The following SP110 variants were observed in gnomAD, a reference collection of about 807,000 sequenced individuals.
The protein encoded by SP110 is interferon-induced protein 41, 30kD.
In SP110, 62 loss-of-function variants were observed where a neutral mutation model predicts 92.7. That is an observed-to-expected ratio of 0.67 (90% CI 0.55 to 0.83). The LOEUF is 0.83. Ranked by LOEUF, SP110 falls within the 40% of genes least tolerant of loss-of-function variation. The pLI is 0.00. For synonymous variants in SP110, 273 were observed against 305.3 expected (o/e 0.89, Z 1.10); for missense variants, 793 against 863.9 (o/e 0.92, Z 1.03).
intron 3 of SP110, 75 bp from the exon 4 acceptor site, chr2:230,213,102 A>T: frequency 7.1e-7 from 1 of 1,414,990 alleles, no homozygotes; most frequent in Non-Finnish European, 9.9e-7. Context: ...TTCTTAATAC[A>T]TGCCTTCCAA....
At position 230,169,029 on chromosome 2, in the gene SP110, A is replaced by G. The variant is rs894239511; in HGVS notation, c.*95T>C. The stretch of plus-strand genomic sequence containing the variant: ...TGGGTTTGGGTCCTGAGGGCAGCCA[A>G]TTACATCCCAGACTCACTGGCAATC... On this transcript the variant is annotated 3_prime_UTR_variant, in exon 19 of 19. Coordinates refer to ENST00000258381, the MANE Select transcript of SP110 (RefSeq NM_080424.4). The G allele has an allele frequency of 2.2e-5, 19 of 849,678 alleles. No homozygotes were observed. The highest frequency in any genetic ancestry group is 3.5e-5 in the Non-Finnish European group (17 of 488,438). The allele number at this position is 849,678 out of a possible 1,614,324, so 52.6% of individuals were successfully genotyped here. A position where few individuals can be genotyped will look rare whatever the true frequency, so the allele number is the denominator to read the frequency against.
rs113572796 is a variant in SP110, at chr2:230,189,892, C to G, written c.1130-3749G>C. On this transcript the variant is annotated intron_variant, in intron 10 of 18. Transcript: ENST00000258381. Reference sequence around the variant, plus strand: ...ATGATCTTATTACTTTTTATGGCTGCATAGTGTTCCATGATGTATATGTAC... The same window carrying G: ...ATGATCTTATTACTTTTTATGGCTGGATAGTGTTCCATGATGTATATGTAC... Among the ~76,000 whole-genome samples the G allele has an allele frequency of 3.3e-3, 504 of 152,306 alleles. 2 individuals carry two copies. The highest frequency in any genetic ancestry group is 5.5e-3 in the Non-Finnish European group (371 of 68,030).
At position 230,211,277 on chromosome 2, in the gene SP110, C is replaced by T. The variant is rs567990046; in HGVS notation, c.751+193G>A. 2.0e-5 allele frequency among the ~76,000 whole-genome samples: 3 copies of T among 152,186 alleles called. No homozygotes were observed. Among genetic ancestry groups the T allele is most frequent in the Non-Finnish European group, 4.4e-5 (3 of 68,036 alleles). ...CAGACTTGCCTCCTTTGCCCTCCCC[C>T]AGGGACTCTGTATCCATTCAGAGGT... On this transcript the variant is annotated intron_variant, in intron 6 of 18. Coordinates refer to ENST00000258381, the MANE Select transcript of SP110 (RefSeq NM_080424.4). This position sits in a 1 kb window ranked among gnomAD's most constrained non-coding sequence, Gnocchi z 4.2.
chr2:230,218,770 T>G (rs1291786414), intron 1 of SP110, among the ~76,000 whole-genome samples: 1 of 152,242 alleles, frequency 6.6e-6, no homozygotes, highest in Non-Finnish European at 1.5e-5. Context: ...CATATATGAC[T>G]GTTCAGATTT....
At chr2:230,220,072 G>A (rs1431203826), upstream of SP110, 1 of 985,526 alleles carries the variant, frequency 1.0e-6, no homozygotes, top group Non-Finnish European at 1.2e-6. Flanking sequence ...CTGAAGGCAG[G>A]TCGGTGCCTG....
chr2:230,211,375 G>A lies in SP110; in HGVS notation c.751+95C>T, dbSNP rs1267483235. 4.8e-6 allele frequency: 4 copies of A among 836,552 alleles called. No individual in the cohort carries two copies. In the South Asian group the frequency reaches 5.3e-5, roughly 11 times the overall value. 51.8% of individuals were successfully genotyped at this position (836,552 alleles called of 1,614,324 possible). On this transcript the variant is annotated intron_variant, in intron 6 of 18. Coordinates refer to ENST00000258381, the MANE Select transcript of SP110 (RefSeq NM_080424.4). The surrounding 1 kb of genome is among the most constrained non-coding windows in gnomAD (Gnocchi z 4.2). ...CTGGGCCAAGATTGCTGAGAGGCAG[G>A]AGGAGAGCCCCCTCTCTAGAAGATC... is the stretch of plus-strand genomic sequence containing the variant.
At chr2:230,188,620 G>T (rs10174493) in intron 10 of SP110, among the ~76,000 whole-genome samples, 4,097 of 152,212 alleles carry the variant, frequency 0.027, 185 homozygotes, top group African/African-American at 0.093. Context: ...ATTGGCTGTG[G>T]GTTTGTCATA....
chr2:230,178,353 G>C (rs2041961364), intron 12 of SP110, 98 bp from the exon 13 acceptor site: 1 of 747,058 alleles, frequency 1.3e-6, no homozygotes, highest in Non-Finnish European at 2.3e-6. Context: ...ACAGGGTATT[G>C]GGGAACGTTC....
Position 230,212,818 on chromosome 2 carries a change from G to A in SP110, c.526C>T (p.Pro176Ser). Residue 176 changes from proline to serine, a missense_variant, in exon 4 of 19, where the codon CCA (proline) becomes TCA (serine). By Grantham distance (74) the Pro-to-Ser change is moderately conservative. Transcript: ENST00000258381. ...GGGAGAGGCAGGACAGGGTCAGATG[G>A]GCTGGGCGACTCACTCAGGATCTCA... The part of the protein sequence containing the change: ...SDEILSESPS[P>S]SDPVLPLPAL... 3 of 1,614,116 alleles carry A rather than the reference G, an allele frequency of 1.9e-6. No homozygotes were observed. Among genetic ancestry groups the A allele is most frequent in the Non-Finnish European group, 2.5e-6 (3 of 1,180,014 alleles).
chr2:230,215,214 C>G, intron 2 of SP110, 96 bp from the exon 3 acceptor site: 1 of 978,370 alleles, frequency 1.0e-6, no homozygotes, highest in Non-Finnish European at 1.6e-6. Flanking sequence ...AGCTACCTTA[C>G]TCTTTTAAGA....
intron 10 of SP110, among the ~76,000 whole-genome samples, chr2:230,198,000 C>T (rs766987122): frequency 6.6e-6 from 1 of 152,324 alleles, no homozygotes. Flanking sequence ...TATTGTATCA[C>T]ACAAGACAGG....
At chr2:230,194,354 C>G (rs2042768605) in intron 10 of SP110, among the ~76,000 whole-genome samples, 2 of 151,886 alleles carry the variant, frequency 1.3e-5, no homozygotes. Flanking sequence ...TATCCGAGAA[C>G]TTTGGGAGGC....
rs1425819310 is a variant in SP110 at position 230,169,828 on chromosome 2, C to T, written c.2029-591G>A. Among the ~76,000 whole-genome samples the T allele has an allele frequency of 2.6e-5, 4 of 152,198 alleles. No individual in the cohort carries two copies. The East Asian group carries it at 7.7e-4, about 29-fold the overall frequency. On this transcript the variant is annotated intron_variant, in intron 18 of 18. Transcript: ENST00000258381. ...TTTTTGTAAATGCATTTCTTGGAAG[C>T]CCACTCGCTGAGGAAGGATGACCCT...
chr2:230,197,903 T>C (rs1016949471), intron 10 of SP110, among the ~76,000 whole-genome samples: 15 of 152,152 alleles, frequency 9.9e-5, no homozygotes, highest in African/African-American at 3.6e-4. Flanking sequence ...TCTCCCATGT[T>C]GGCCTCCCAA....
chr2:230,214,037 C>G (rs1219241777), intron 3 of SP110: 1 of 152,252 alleles, frequency 6.6e-6, no homozygotes, highest in African/African-American at 2.4e-5. Flanking sequence ...ATGAAAATAT[C>G]CAATGTGAGC....
rs189986268 is a variant in SP110 at position 230,187,147 on chromosome 2, C to T, written c.1130-1004G>A. ...GTGTATAAACATTCCCTTTTCACCA[C>T]GTCCATGTTAACATCTATTTTTTTT... On this transcript the variant is annotated intron_variant, in intron 10 of 18. Transcript: ENST00000258381. Among the ~76,000 whole-genome samples, 913 of 152,270 alleles carry T rather than the reference C, an allele frequency of 6.0e-3. 5 individuals carry two copies. The highest frequency in any genetic ancestry group is 0.016 in the South Asian group (77 of 4,822).
chr2:230,169,039 A>G lies in SP110; in HGVS notation c.*85T>C, dbSNP rs572795443. On this transcript the variant is annotated 3_prime_UTR_variant, in exon 19 of 19. Transcript: ENST00000258381. ...TCCTGAGGGCAGCCAATTACATCCCAGACTCACTGGCAATCAACAGTCCAA... is the reference window on the plus strand; with the variant it reads ...TCCTGAGGGCAGCCAATTACATCCCGGACTCACTGGCAATCAACAGTCCAA... 59 of 901,042 alleles carry G rather than the reference A, an allele frequency of 6.5e-5. No individual in the cohort carries two copies. In the African/African-American group the frequency reaches 7.3e-4, roughly 11 times the overall value. The allele number at this position is 901,042 out of a possible 1,614,324, so 55.8% of individuals were successfully genotyped here. A position where few individuals can be genotyped will look rare whatever the true frequency, so the allele number is the denominator to read the frequency against.
At position 230,211,413 on chromosome 2, in the gene SP110, CCT is replaced by C; in HGVS notation, c.751+55_751+56del. On this transcript the variant is annotated intron_variant, in intron 6 of 18. Transcript: ENST00000258381. This position sits in a 1 kb window ranked among gnomAD's most constrained non-coding sequence, Gnocchi z 4.2. ...TCTCTAGAAGATCCGAATGGCTTTT[CCT>C]CTTAGTAAACACAGAAACAAAGGCA... The C allele has an allele frequency of 9.0e-7, 1 of 1,108,920 alleles. No individual in the cohort carries two copies. The highest frequency in any genetic ancestry group is 1.4e-6 in the Non-Finnish European group (1 of 719,086). 68.7% of individuals were successfully genotyped at this position (1,108,920 alleles called of 1,614,324 possible).
rs2078457608 is a variant in SP110 at position 230,172,053 on chromosome 2, G to A, written c.1815+13C>T. 1.3e-6 allele frequency: 2 copies of A among 1,489,816 alleles called. No individual in the cohort carries two copies. The highest frequency in any genetic ancestry group is 1.4e-5 in the African/African-American group (1 of 72,688). 92.3% of individuals were successfully genotyped at this position (1,489,816 alleles called of 1,614,324 possible). A position where few individuals can be genotyped will look rare whatever the true frequency, so the allele number is the denominator to read the frequency against. ...AGGGAAAAGTATAGGTTTGGGGTTTGCATCCAACTCACCAGCTGGTCCTGA... is the reference window on the plus strand; with the variant it reads ...AGGGAAAAGTATAGGTTTGGGGTTTACATCCAACTCACCAGCTGGTCCTGA... On this transcript the variant is annotated intron_variant, in intron 16 of 18. Coordinates refer to ENST00000258381, the MANE Select transcript of SP110 (RefSeq NM_080424.4).
Sources: allele counts gnomAD v4.1 joint callset (sites outside exome capture counted in the v4.1 genomes callset), GRCh38; gene constraint gnomAD v4.1.1; non-coding constraint Gnocchi (gnomAD v3.1); transcripts MANE v1.5; gene names NCBI Gene and HGNC (gene_info 2026-07-23, HGNC 2026-07-21).